ARHGAP15: variants seen among roughly 807,000 people sequenced by gnomAD.
ARHGAP15 encodes rho GTPase-activating protein 15.
ARHGAP15 carries 51 observed loss-of-function variants against 63.7 expected under a neutral mutation model. That is an observed-to-expected ratio of 0.80 (90% CI 0.64 to 1.01). The LOEUF (loss-of-function observed/expected upper bound fraction) is 1.01, where lower values mean the gene tolerates loss of function less well. Ranked by LOEUF, ARHGAP15 falls within the 50% of genes least tolerant of loss-of-function variation. ARHGAP15 has a pLI of 0.00. For missense variants in ARHGAP15, 560 were observed against 564.6 expected (o/e 0.99, Z 0.08); for synonymous variants, 191 against 193.8 (o/e 0.99, Z 0.12).
At chr2:143,207,719 A>G (rs1461944254) in intron 3 of ARHGAP15, among the ~76,000 whole-genome samples, 2 of 152,136 alleles carry the variant, frequency 1.3e-5, no homozygotes, top group Non-Finnish European at 2.9e-5. Context: ...CAGAAACATT[A>G]TCTTCATCCC....
intron 1 of ARHGAP15, among the ~76,000 whole-genome samples, chr2:143,144,626 T>G (rs952827241): frequency 6.6e-6 from 1 of 152,050 alleles, no homozygotes; most frequent in Non-Finnish European, 1.5e-5. Context: ...TTAATTAGTC[T>G]TAAGTAGAAT....
At chr2:143,504,805 G>A (rs186910319) in intron 9 of ARHGAP15, among the ~76,000 whole-genome samples, 1 of 152,278 alleles carries the variant, frequency 6.6e-6, no homozygotes, top group African/African-American at 2.4e-5. Context: ...CACTTTCTGA[G>A]AGTTACCTGC....
intron 11 of ARHGAP15, among the ~76,000 whole-genome samples, chr2:143,589,038 C>T (rs531210579): frequency 6.6e-6 from 1 of 152,264 alleles, no homozygotes; most frequent in Admixed American, 6.5e-5. Context: ...ATGAAAAAAA[C>T]TCACCATTGG....
At chr2:143,741,944 A>T (rs1052041585) in intron 13 of ARHGAP15, among the ~76,000 whole-genome samples, 1 of 152,240 alleles carries the variant, frequency 6.6e-6, no homozygotes, top group African/African-American at 2.4e-5. Context: ...AAAGGAAGGG[A>T]AGAAAAAACA....
rs560251175 is a variant in ARHGAP15 at position 143,194,546 on chromosome 2, T to TA, written c.166-7582dup. On this transcript the variant is annotated intron_variant, in intron 2 of 13. Coordinates refer to ENST00000295095, the MANE Select transcript of ARHGAP15 (RefSeq NM_018460.4). ...TTATATCAATTTAGAAATTCATGGCTAAAAAATACGTGATTCTACAGAGAA... is the reference window on the plus strand; with the variant it reads ...TTATATCAATTTAGAAATTCATGGCTAAAAAAATACGTGATTCTACAGAGAA... Among the ~76,000 whole-genome samples the TA allele has an allele frequency of 3.5e-3, 539 of 152,274 alleles. 6 individuals are homozygous for TA. The highest frequency in any genetic ancestry group is 0.012 in the African/African-American group (510 of 41,550).
In ARHGAP15 at chr2:143,683,510, T is replaced by C. The variant is rs1478334180; in HGVS notation, c.1139-19909T>C. 2.0e-5 allele frequency among the ~76,000 whole-genome samples: 3 copies of C among 152,148 alleles called. No individual in the cohort carries two copies. In the East Asian group the frequency reaches 5.8e-4, roughly 29 times the overall value. On this transcript the variant is annotated intron_variant, in intron 12 of 13. Transcript: ENST00000295095. ...ATTAACAAATTTATTACTAATTCTG[T>C]TCAGTTCTTTAATATGCTGCATTCC...
chr2:143,440,282 T>C (rs943935970), intron 8 of ARHGAP15, among the ~76,000 whole-genome samples: 9 of 152,342 alleles, frequency 5.9e-5, no homozygotes, highest in African/African-American at 2.2e-4. Flanking sequence ...GAAACCCCTC[T>C]GATCTCAGTC....
chr2:143,509,659 G>A (rs577263185), intron 9 of ARHGAP15, among the ~76,000 whole-genome samples: 1 of 152,230 alleles, frequency 6.6e-6, no homozygotes, highest in South Asian at 2.1e-4. Context: ...TACATGACAT[G>A]GGGCTCATGT....
intron 9 of ARHGAP15, among the ~76,000 whole-genome samples, chr2:143,500,054 T>C (rs1692983811): frequency 6.6e-6 from 1 of 151,952 alleles, no homozygotes; most frequent in South Asian, 2.1e-4. Context: ...TTAAGTGAAA[T>C]GTAAAGAAAT....
intron 11 of ARHGAP15, among the ~76,000 whole-genome samples, chr2:143,619,311 G>C (rs368095682): frequency 5.9e-5 from 9 of 152,098 alleles, no homozygotes; most frequent in African/African-American, 1.4e-4. Context: ...TACCCTAAAG[G>C]CTCTTCAAGA....
At chr2:143,189,572 A>C (rs1212286034) in intron 2 of ARHGAP15, among the ~76,000 whole-genome samples, 2 of 149,056 alleles carry the variant, frequency 1.3e-5, no homozygotes, top group East Asian at 3.9e-4. Flanking sequence ...AGCGACTCTC[A>C]TGCCTCAGCC....
chr2:143,690,045 T>C (rs2105390933), intron 12 of ARHGAP15, among the ~76,000 whole-genome samples: 1 of 152,350 alleles, frequency 6.6e-6, no homozygotes, highest in Non-Finnish European at 1.5e-5. Context: ...GCCCAGTTTT[T>C]TGGTTGGCAT....
chr2:143,669,028 A>G (rs542311019), intron 12 of ARHGAP15, among the ~76,000 whole-genome samples: 1 of 152,296 alleles, frequency 6.6e-6, no homozygotes, highest in South Asian at 2.1e-4. Flanking sequence ...TGAAAGTCTA[A>G]ACTATCAGGC....
chr2:143,377,607 C>T (rs1686874418), intron 6 of ARHGAP15, among the ~76,000 whole-genome samples: 1 of 151,636 alleles, frequency 6.6e-6, no homozygotes, highest in Non-Finnish European at 1.5e-5. Context: ...TCACTAAATA[C>T]TTTTCGAAAG....
chr2:143,346,202 TCA>T (rs1176819904), intron 6 of ARHGAP15, among the ~76,000 whole-genome samples: 46 of 133,412 alleles, frequency 3.4e-4, no homozygotes, highest in African/African-American at 7.6e-4. Context: ...ACTCTCTCTC[TCA>T]CACACACACT....
intron 11 of ARHGAP15, among the ~76,000 whole-genome samples, chr2:143,576,486 G>A (rs1696685720): frequency 6.6e-6 from 1 of 152,018 alleles, no homozygotes; most frequent in African/African-American, 2.4e-5. Context: ...GCCTGAATAT[G>A]CACACCATGC....
At chr2:143,373,542 A>G (rs955839435) in intron 6 of ARHGAP15, among the ~76,000 whole-genome samples, 5 of 147,244 alleles carry the variant, frequency 3.4e-5, no homozygotes, top group African/African-American at 1.2e-4. Context: ...AGGCAGGAGA[A>G]TGGCATGAGC....
At chr2:143,522,558 A>T (rs143544807) in intron 10 of ARHGAP15, among the ~76,000 whole-genome samples, 1 of 152,244 alleles carries the variant, frequency 6.6e-6, no homozygotes, top group Non-Finnish European at 1.5e-5. Context: ...ATCATCTGAC[A>T]CTATTTTGGA....
At chr2:143,713,871 G>GA (rs1684692983) in intron 13 of ARHGAP15, among the ~76,000 whole-genome samples, 1 of 152,180 alleles carries the variant, frequency 6.6e-6, no homozygotes, top group Non-Finnish European at 1.5e-5. Context: ...CTGCCCCTGT[G>GA]GCTTTGCAGG....
Sources: allele counts gnomAD v4.1 joint callset (sites outside exome capture counted in the v4.1 genomes callset), GRCh38; gene constraint gnomAD v4.1.1; transcripts MANE v1.5; gene names NCBI Gene and HGNC (gene_info 2026-07-23, HGNC 2026-07-21).